PHYH: variants seen among roughly 807,000 people sequenced by gnomAD.
PHYH encodes phytanoyl-CoA 2-hydroxylase.
PHYH carries 32 observed loss-of-function variants against 38.5 expected under a neutral mutation model. The ratio of observed to expected loss-of-function variants is 0.83; its 90% confidence interval spans 0.63 to 1.12. The LOEUF is 1.12. PHYH is among the 50% of genes most tolerant of loss of function. The probability of loss-of-function intolerance (pLI) is 0.00; values close to 1 mark genes in which losing one functional copy is unlikely to be tolerated. For missense variants in PHYH, 426 were observed against 434.8 expected (o/e 0.98, Z 0.18); for synonymous variants, 166 against 157.9 (o/e 1.05, Z -0.38).
intron 6 of PHYH, among the ~76,000 whole-genome samples, chr10:13,285,090 T>C (rs1378527914): frequency 6.6e-6 from 1 of 152,234 alleles, no homozygotes; most frequent in Admixed American, 6.5e-5. Flanking sequence ...CTGATGAGTT[T>C]CACATTAAAT....
chr10:13,288,073 G>C (rs1360337228), intron 6 of PHYH, among the ~76,000 whole-genome samples: 1 of 152,206 alleles, frequency 6.6e-6, no homozygotes, highest in African/African-American at 2.4e-5. Flanking sequence ...CCAGCTACTA[G>C]GGCGACTGAG....
chr10:13,281,452 T>A (rs1396210712), intron 7 of PHYH, among the ~76,000 whole-genome samples: 1 of 152,118 alleles, frequency 6.6e-6, no homozygotes, highest in East Asian at 1.9e-4. Context: ...TCCCAAAGTC[T>A]TAAGAAGGAC....
intron 1 of PHYH, 74 bp from the exon 2 acceptor site, chr10:13,298,319 C>T: frequency 2.2e-6 from 2 of 905,820 alleles, no homozygotes; most frequent in Non-Finnish European, 3.7e-6. Context: ...GTAATTCCAG[C>T]ACTTTGGGAG....
chr10:13,298,270 A>T (rs779998925), intron 1 of PHYH, 25 bp from the exon 2 acceptor site: 8 of 1,515,006 alleles, frequency 5.3e-6, no homozygotes, highest in Non-Finnish European at 7.3e-6. Context: ...AAGGCAAATA[A>T]AGTAAAATAT....
chr10:13,298,767 A>ACTACTACTACTG (rs1484181302), intron 1 of PHYH, among the ~76,000 whole-genome samples: 3,680 of 112,718 alleles, frequency 0.033, 55 homozygotes, highest in Middle Eastern at 0.039. Flanking sequence ...TACTACTGCT[A>ACTACTACTACTG]CTACTACTAC....
At chr10:13,282,374 C>A (rs1159040488) in intron 7 of PHYH, among the ~76,000 whole-genome samples, 11 of 152,052 alleles carry the variant, frequency 7.2e-5, no homozygotes. Flanking sequence ...GACGATCACT[C>A]AAGGCCAGGA....
chr10:13,288,456 C>T lies in PHYH; in HGVS notation c.582G>A (p.Thr194=), dbSNP rs753305530. ...TGTTCCGGCTGATGTGCTCCATCGC[C>T]GTCCAGGCGCAAACGATGAGATCGC... ...RPSDLIVCAW[T]AMEHISRNNG... The change falls in exon 6 of 9, where the codon ACG becomes ACA. Residue 194 remains threonine, a synonymous_variant. Coordinates refer to ENST00000263038, the MANE Select transcript of PHYH (RefSeq NM_006214.4). The T allele has an allele frequency of 6.2e-7, 1 of 1,614,188 alleles. No individual in the cohort carries two copies. Among genetic ancestry groups the T allele is most frequent in the Non-Finnish European group, 8.5e-7 (1 of 1,180,032 alleles).
rs1564431959 is a variant in PHYH at position 13,300,019 on chromosome 10, G to C, written c.24C>G (p.Ala8=). 3 of 1,532,568 alleles carry C rather than the reference G, an allele frequency of 2.0e-6. No homozygotes were observed. Among genetic ancestry groups the C allele is most frequent in the Admixed American group, 2.0e-5 (1 of 50,690 alleles). 94.9% of individuals were successfully genotyped at this position (1,532,568 alleles called of 1,614,324 possible). ...GGTGGCCCAGAACAATCTGCAGACG[G>C]GCGGCGGCGCGAAGCTGCTCCATGG... MEQLRAA[A]RLQIVLGHLG... Residue 8 remains alanine (A), a synonymous_variant, in exon 1 of 9, where the codon GCC becomes GCG. Coordinates refer to ENST00000263038, the MANE Select transcript of PHYH (RefSeq NM_006214.4).
chr10:13,290,878 T>C, intron 5 of PHYH, among the ~76,000 whole-genome samples: 1 of 152,024 alleles, frequency 6.6e-6, no homozygotes, highest in East Asian at 1.9e-4. Context: ...AGGTGGATCA[T>C]CTGAAGTCAG....
chr10:13,295,468 T>TA, intron 3 of PHYH, 28 bp downstream of exon 3: 1 of 1,075,702 alleles, frequency 9.3e-7, no homozygotes, highest in Non-Finnish European at 1.5e-6. Context: ...TACATACTAT[T>TA]GTAAAATAAC....
intron 6 of PHYH, 140 bp from the exon 7 acceptor site, chr10:13,283,979 G>T: frequency 1.2e-6 from 1 of 863,920 alleles, no homozygotes; most frequent in Non-Finnish European, 2.0e-6. Context: ...TAAATTAAAT[G>T]CTTACATTTT....
intron 4 of PHYH, among the ~76,000 whole-genome samples, chr10:13,292,853 A>C (rs1278155682): frequency 6.6e-6 from 1 of 151,020 alleles, no homozygotes; most frequent in Non-Finnish European, 1.5e-5. Context: ...GAATCACTTG[A>C]ACCCAGGAGG....
intron 4 of PHYH, 81 bp downstream of exon 4, chr10:13,294,347 C>G: frequency 7.4e-7 from 1 of 1,349,352 alleles, no homozygotes; most frequent in Admixed American, 1.7e-5. Flanking sequence ...TGAGCCACTG[C>G]GCCCGGCCAA....
At chr10:13,299,787 C>T (rs1832698899) in intron 1 of PHYH, 181 bp downstream of exon 1, 1 of 1,312,854 alleles carries the variant, frequency 7.6e-7, no homozygotes, top group Admixed American at 4.2e-5. Context: ...GGGACGCAGC[C>T]TCTTCCCCGC....
intron 5 of PHYH, chr10:13,291,595 T>G: frequency 1.9e-6 from 1 of 517,586 alleles, no homozygotes; most frequent in Non-Finnish European, 3.5e-6. Flanking sequence ...TCCTCCCACC[T>G]CAGCCTTCCA....
intron 5 of PHYH, among the ~76,000 whole-genome samples, chr10:13,291,226 A>G (rs1398171185): frequency 6.6e-6 from 1 of 152,184 alleles, no homozygotes; most frequent in Non-Finnish European, 1.5e-5. Flanking sequence ...TATCACAGCT[A>G]AAAAGAGCTG....
At position 13,278,336 on chromosome 10, in the gene PHYH, C is replaced by T. The variant is rs1205748629; in HGVS notation, c.982G>A (p.Ala328Thr). The T allele has an allele frequency of 1.2e-6, 2 of 1,612,094 alleles. No homozygotes were observed. The highest frequency in any genetic ancestry group is 3.3e-5 in the Admixed American group (2 of 60,016). Residue 328 changes from alanine (A) to threonine (T), a missense_variant, in exon 9 of 9, where the codon GCT (alanine) becomes ACT (threonine). Ala to Thr is a moderately conservative substitution (Grantham distance 58). Coordinates refer to ENST00000263038, the MANE Select transcript of PHYH (RefSeq NM_006214.4). ...GTTCTTTCTCCTTTCACAAGTCGAG[C>T]TCGAAACATCCAAATATCCTGGAAA... ...VNLKDIWMFRARLVKGERTNL is the reference protein window; with the variant it reads ...VNLKDIWMFRTRLVKGERTNL
intron 3 of PHYH, 92 bp downstream of exon 3, chr10:13,295,404 A>C: frequency 2.6e-6 from 2 of 765,122 alleles, no homozygotes; most frequent in Non-Finnish European, 2.4e-6. Flanking sequence ...TCATTAAAAA[A>C]CATCTGTAAA....
chr10:13,283,964 A>T, intron 6 of PHYH, 125 bp from the exon 7 acceptor site: 1 of 886,560 alleles, frequency 1.1e-6, no homozygotes. Context: ...AGAGAAATAA[A>T]TGTCTAAATT....
Sources: gnomAD v4.1 joint callset for allele counts (sites outside exome capture counted in the v4.1 genomes callset) on GRCh38, gnomAD v4.1.1 for gene constraint, MANE v1.5 for transcripts, NCBI Gene and HGNC (gene_info 2026-07-23, HGNC 2026-07-21) for gene names.